The following UNC5D variants were observed in gnomAD, a reference collection of about 807,000 sequenced individuals.
UNC5D encodes unc-5 netrin receptor D, also known as netrin receptor UNC5D.
Under a neutral mutation model 105.4 loss-of-function variants are expected in UNC5D, and 39 were observed. That is an observed-to-expected ratio of 0.37 (90% confidence interval 0.29 to 0.48). The LOEUF is 0.48. UNC5D is among the 20% of genes least tolerant of loss of function. The probability of loss-of-function intolerance (pLI) is 0.98; values close to 1 mark genes in which losing one functional copy is unlikely to be tolerated. For synonymous variants in UNC5D, 452 were observed against 450.4 expected (o/e 1.00, Z -0.04); for missense variants, 991 against 1,202.4 (o/e 0.82, Z 2.60).
At chr8:35,503,241 C>T (rs931261659) in intron 1 of UNC5D, among the ~76,000 whole-genome samples, 9 of 152,092 alleles carry the variant, frequency 5.9e-5, no homozygotes, top group East Asian at 1.9e-4. Context: ...GTTTTCATGC[C>T]GCTGATAAAG....
At chr8:35,434,794 G>T (rs1806893754) in intron 1 of UNC5D, among the ~76,000 whole-genome samples, 1 of 152,030 alleles carries the variant, frequency 6.6e-6, no homozygotes, top group African/African-American at 2.4e-5. Flanking sequence ...AGATCAAATT[G>T]CATTAAAAGC....
intron 4 of UNC5D, among the ~76,000 whole-genome samples, chr8:35,614,274 G>A (rs534087751): frequency 4.6e-5 from 7 of 152,296 alleles, no homozygotes; most frequent in East Asian, 1.9e-4. Context: ...GTTTAATACA[G>A]GAATCACTAG....
intron 1 of UNC5D, among the ~76,000 whole-genome samples, chr8:35,237,120 T>C (rs1802518654): frequency 6.6e-6 from 1 of 151,526 alleles, no homozygotes; most frequent in African/African-American, 2.4e-5. Context: ...AAGAGGTTGA[T>C]AGAGGCTCTC....
chr8:35,280,038 T>C (rs928476874), intron 1 of UNC5D, among the ~76,000 whole-genome samples: 1 of 152,124 alleles, frequency 6.6e-6, no homozygotes, highest in Non-Finnish European at 1.5e-5. Flanking sequence ...CTTTGTCACA[T>C]AGGCTGGAAT....
chr8:35,609,477 T>C (rs1337840604), intron 4 of UNC5D, among the ~76,000 whole-genome samples: 1 of 152,194 alleles, frequency 6.6e-6, no homozygotes. Context: ...GCTAAGAAAT[T>C]CTAAAGTTGG....
At chr8:35,387,342 G>A (rs1379087362) in intron 1 of UNC5D, among the ~76,000 whole-genome samples, 2 of 135,336 alleles carry the variant, frequency 1.5e-5, no homozygotes, top group Admixed American at 7.6e-5. Flanking sequence ...CAGCCTGGGC[G>A]ACACAGCGAG....
intron 1 of UNC5D, among the ~76,000 whole-genome samples, chr8:35,487,593 A>ACACACACACACACACACACACACACACCC (rs1415748793): frequency 4.0e-5 from 6 of 150,588 alleles, no homozygotes; most frequent in African/African-American, 1.5e-4. Context: ...ACACACACAC[A>ACACACACACACACACACACACACACACCC]CCCCACAGAC....
At chr8:35,277,884 G>A (rs528167613) in intron 1 of UNC5D, among the ~76,000 whole-genome samples, 4 of 152,152 alleles carry the variant, frequency 2.6e-5, no homozygotes, top group Non-Finnish European at 5.9e-5. Flanking sequence ...TTTCAGAGAT[G>A]GTATTGAATG....
At chr8:35,345,662 T>C (rs998684015) in intron 1 of UNC5D, among the ~76,000 whole-genome samples, 5 of 152,108 alleles carry the variant, frequency 3.3e-5, no homozygotes, top group Non-Finnish European at 5.9e-5. Context: ...GGGACTTTGC[T>C]ATAAACTTTT....
chr8:35,643,643 G>C (rs1404930881), intron 4 of UNC5D, among the ~76,000 whole-genome samples: 2 of 152,248 alleles, frequency 1.3e-5, no homozygotes, highest in South Asian at 4.1e-4. Flanking sequence ...GCCTCCCAAA[G>C]TGCTGGGATT....
chr8:35,364,182 G>A (rs180703569), intron 1 of UNC5D, among the ~76,000 whole-genome samples: 81 of 152,164 alleles, frequency 5.3e-4, no homozygotes, highest in East Asian at 4.8e-3. Flanking sequence ...GAACTAATTA[G>A]ACAAATAAAT....
intron 1 of UNC5D, among the ~76,000 whole-genome samples, chr8:35,336,390 C>T (rs1446524187): frequency 6.6e-6 from 1 of 152,198 alleles, no homozygotes; most frequent in Admixed American, 6.5e-5. Flanking sequence ...ACCATTCTGG[C>T]ACTCCCTACA....
intron 1 of UNC5D, among the ~76,000 whole-genome samples, chr8:35,495,458 C>CAAAAAAAAAAAAAAAAAAAAA (rs71547636): frequency 5.4e-4 from 24 of 44,580 alleles, no homozygotes; most frequent in Non-Finnish European, 7.6e-4. Flanking sequence ...ACAACAACAA[C>CAAAAAAAAAAAAAAAAAAAAA]AAAAAAAAAA....
At chr8:35,431,429 T>C (rs1335360911) in intron 1 of UNC5D, among the ~76,000 whole-genome samples, 1 of 152,166 alleles carries the variant, frequency 6.6e-6, no homozygotes, top group Non-Finnish European at 1.5e-5. Context: ...TATAACAGAT[T>C]ATAACTTAAA....
chr8:35,744,234 C>T (rs760054405), intron 11 of UNC5D, among the ~76,000 whole-genome samples: 8 of 152,162 alleles, frequency 5.3e-5, no homozygotes, highest in Non-Finnish European at 7.3e-5. Flanking sequence ...TGTGTCCTGT[C>T]GGGAGGTATA....
At chr8:35,640,837 T>A (rs948004755) in intron 4 of UNC5D, among the ~76,000 whole-genome samples, 1 of 152,174 alleles carries the variant, frequency 6.6e-6, no homozygotes, top group Admixed American at 6.5e-5. Context: ...AAGAATGTTT[T>A]CTTTGAAATC....
intron 4 of UNC5D, among the ~76,000 whole-genome samples, chr8:35,640,205 G>A (rs978693345): frequency 6.6e-6 from 1 of 151,978 alleles, no homozygotes; most frequent in Non-Finnish European, 1.5e-5. Context: ...TACTTTGTAT[G>A]TAACAACGTT....
At chr8:35,504,387 A>C (rs1296569973) in intron 1 of UNC5D, among the ~76,000 whole-genome samples, 1 of 152,212 alleles carries the variant, frequency 6.6e-6, no homozygotes, top group Admixed American at 6.5e-5. Context: ...GGTGCTATGC[A>C]GTTGTTAGCT....
intron 1 of UNC5D, among the ~76,000 whole-genome samples, chr8:35,462,908 C>A (rs1469579788): frequency 6.6e-6 from 1 of 152,180 alleles, no homozygotes; most frequent in African/African-American, 2.4e-5. Context: ...TCTCTCCTTA[C>A]AAAGGTATAA....
Sources: gnomAD v4.1 joint callset for allele counts (sites outside exome capture counted in the v4.1 genomes callset) on GRCh38, gnomAD v4.1.1 for gene constraint, MANE v1.5 for transcripts, NCBI Gene and HGNC (gene_info 2026-07-23, HGNC 2026-07-21) for gene names.